Variants in NR1H4 observed in about 807,000 individuals in gnomAD.
The protein encoded by NR1H4 is bile acid receptor.
NR1H4 carries 23 observed loss-of-function variants against 58.5 expected under a neutral mutation model. The ratio of observed to expected loss-of-function variants is 0.39; its 90% confidence interval spans 0.28 to 0.56. The LOEUF (loss-of-function observed/expected upper bound fraction) is 0.56, where lower values mean the gene tolerates loss of function less well. NR1H4 is among the 20% of genes least tolerant of loss of function. The pLI is 0.58. For synonymous variants in NR1H4, 214 were observed against 198.0 expected, an observed-to-expected ratio of 1.08 and a Z score of -0.68; for missense variants, 487 against 576.9, an observed-to-expected ratio of 0.84 and a Z score of 1.60.
chr12:100,521,049 T>C (rs1209975307), intron 4 of NR1H4, among the ~76,000 whole-genome samples: 1 of 151,932 alleles, frequency 6.6e-6, no homozygotes, highest in Non-Finnish European at 1.5e-5. Context: ...ATTTACCAGC[T>C]CTCTTGCTTT....
At chr12:100,491,219 G>T (rs781598846) in intron 1 of NR1H4, among the ~76,000 whole-genome samples, 1 of 152,068 alleles carries the variant, frequency 6.6e-6, no homozygotes, top group Non-Finnish European at 1.5e-5. Flanking sequence ...AACTAAGTCT[G>T]CTCTGGCTGT....
chr12:100,495,640 G>A (rs1030471265), intron 3 of NR1H4, among the ~76,000 whole-genome samples: 2 of 75,942 alleles, frequency 2.6e-5, no homozygotes, highest in Non-Finnish European at 5.0e-5. Flanking sequence ...ACTGAGGCAG[G>A]AGAATCGCTT....
chr12:100,561,871 A>C lies in NR1H4; in HGVS notation c.1079-14A>C. ...ACTCAAAAATTGTATTATGATTGCA[A>C]CTTTCCCCCACAGGTATCTCTGATG... On this transcript the variant is annotated splice_polypyrimidine_tract_variant and intron_variant, in intron 9 of 10. Coordinates refer to ENST00000392986, the MANE Select transcript of NR1H4 (RefSeq NM_001206979.2). The C allele has an allele frequency of 1.9e-6, 2 of 1,043,214 alleles. No homozygotes were observed. The highest frequency in any genetic ancestry group is 3.0e-6 in the Non-Finnish European group (2 of 659,716). The allele number at this position is 1,043,214 out of a possible 1,614,324, so 64.6% of individuals were successfully genotyped here. A position where few individuals can be genotyped will look rare whatever the true frequency, so the allele number is the denominator to read the frequency against.
At chr12:100,478,119 T>A (rs1953308099) in intron 1 of NR1H4, among the ~76,000 whole-genome samples, 2 of 151,876 alleles carry the variant, frequency 1.3e-5, no homozygotes, top group South Asian at 4.2e-4. Flanking sequence ...CATAGGTTCA[T>A]CGATTGTAAA....
intron 3 of NR1H4, among the ~76,000 whole-genome samples, chr12:100,508,052 G>A (rs549133660): frequency 6.6e-6 from 1 of 151,970 alleles, no homozygotes; most frequent in African/African-American, 2.4e-5. Context: ...GGCCCAGGTA[G>A]GGTAAGTAAT....
intron 4 of NR1H4, among the ~76,000 whole-genome samples, chr12:100,529,358 T>C (rs17030280): frequency 0.023 from 3,492 of 152,224 alleles, 140 homozygotes; most frequent in African/African-American, 0.081. Context: ...CTCTCTCTAG[T>C]CTCCAATACG....
chr12:100,509,913 G>GCA lies in NR1H4; in HGVS notation c.80-864_80-863insAC, dbSNP rs1213906374. Among the ~76,000 whole-genome samples the GCA allele has an allele frequency of 3.6e-3, 521 of 145,804 alleles. 3 individuals are homozygous for GCA. Among genetic ancestry groups the GCA allele is most frequent in the African/African-American group, 0.013 (490 of 36,524 alleles). On this transcript the variant is annotated intron_variant, in intron 3 of 10. Coordinates refer to ENST00000392986, the MANE Select transcript of NR1H4 (RefSeq NM_001206979.2). ...TTTGTCTTTGCACGTGGGCACGTGC[G>GCA]CGCACACACACACACACACACACAC... is the stretch of plus-strand genomic sequence containing the variant.
chr12:100,476,069 A>G (rs143493820), intron 1 of NR1H4, among the ~76,000 whole-genome samples: 2,403 of 152,252 alleles, frequency 0.016, 86 homozygotes, highest in Admixed American at 0.09. Flanking sequence ...CAGATGAGAA[A>G]ACTGAGACTC....
At chr12:100,530,316 T>C (rs79474300) in intron 4 of NR1H4, among the ~76,000 whole-genome samples, 1,777 of 152,342 alleles carry the variant, frequency 0.012, 40 homozygotes, top group African/African-American at 0.041. Flanking sequence ...GTACCTTTTT[T>C]TCTTCATCTA....
At position 100,537,059 on chromosome 12, in the gene NR1H4, A is replaced by G; in HGVS notation, c.931+12A>G. 1 of 1,476,464 alleles carries G rather than the reference A, an allele frequency of 6.8e-7. No individual in the cohort carries two copies. Among genetic ancestry groups the G allele is most frequent in the East Asian group, 2.3e-5 (1 of 44,040 alleles). The allele number at this position is 1,476,464 out of a possible 1,614,324, so 91.5% of individuals were successfully genotyped here. A position where few individuals can be genotyped will look rare whatever the true frequency, so the allele number is the denominator to read the frequency against. ...AAAAAAGCTACCAGGTATTTTTTAA[A>G]TAATCAAAGTTAATATTTATTGAGA... On this transcript the variant is annotated intron_variant, in intron 8 of 10. Transcript: ENST00000392986.
rs775092392 is a variant in NR1H4, at chr12:100,510,777, G to A, written c.80-1G>A. 2 of 1,613,814 alleles carry A rather than the reference G, an allele frequency of 1.2e-6. No homozygotes were observed. Among genetic ancestry groups the A allele is most frequent in the Non-Finnish European group, 8.5e-7 (1 of 1,179,874 alleles). ...CCAGTTTTGTTGTCACTTTTGTTCA[G>A]GTGTTTTAACAGAACAAGTGGCAGG... is the stretch of plus-strand genomic sequence containing the variant. On this transcript the variant is annotated splice_acceptor_variant, in intron 3 of 10. Coordinates refer to ENST00000392986, the MANE Select transcript of NR1H4 (RefSeq NM_001206979.2). LOFTEE classifies it high-confidence loss of function.
intron 3 of NR1H4, chr12:100,505,935 G>T (rs184598883): frequency 1.5e-5 from 4 of 274,330 alleles, no homozygotes; most frequent in South Asian, 4.6e-5. Flanking sequence ...CTGGGCCTTC[G>T]TATGTGTCTT....
At chr12:100,519,837 C>A (rs1415699885) in intron 4 of NR1H4, among the ~76,000 whole-genome samples, 1 of 152,292 alleles carries the variant, frequency 6.6e-6, no homozygotes, top group Non-Finnish European at 1.5e-5. Flanking sequence ...AGCTCTTTGA[C>A]TTCCCCTTTA....
intron 1 of NR1H4, among the ~76,000 whole-genome samples, chr12:100,490,243 A>G (rs1294404310): frequency 1.3e-5 from 2 of 152,224 alleles, no homozygotes; most frequent in African/African-American, 2.4e-5. Context: ...AAGAAAATAT[A>G]TCACAGGAAT....
chr12:100,479,764 C>G (rs931087514), intron 1 of NR1H4, among the ~76,000 whole-genome samples: 15 of 152,250 alleles, frequency 9.9e-5, no homozygotes, highest in Admixed American at 9.8e-4. Flanking sequence ...CCTATAGCCC[C>G]TCCTTGGCTC....
At chr12:100,515,796 A>T (rs1349791774) in intron 4 of NR1H4, among the ~76,000 whole-genome samples, 1 of 152,218 alleles carries the variant, frequency 6.6e-6, no homozygotes, top group Non-Finnish European at 1.5e-5. Flanking sequence ...TGATGCTCAA[A>T]TCATCGTGAG....
chr12:100,475,128 T>TCTATCTATCTAC (rs775084901), intron 1 of NR1H4, among the ~76,000 whole-genome samples: 7,960 of 139,592 alleles, frequency 0.057, 338 homozygotes, highest in East Asian at 0.16. Flanking sequence ...GGTTTACCTA[T>TCTATCTATCTAC]CTATCTATCT....
At chr12:100,529,598 C>G (rs1434603546) in intron 4 of NR1H4, among the ~76,000 whole-genome samples, 1 of 152,128 alleles carries the variant, frequency 6.6e-6, no homozygotes, top group African/African-American at 2.4e-5. Flanking sequence ...GAGTATCTAC[C>G]CTTTCTTGGA....
At position 100,563,500 on chromosome 12, in the gene NR1H4, AG is replaced by A; in HGVS notation, c.*15del. The stretch of plus-strand genomic sequence containing the variant: ...TGGGACGTGCAGTGATGGGGATTAC[AG>A]GGGAGGGGTCTAGCTCCTTTTTCTC... On this transcript the variant is annotated 3_prime_UTR_variant, in exon 11 of 11. Coordinates refer to ENST00000392986, the MANE Select transcript of NR1H4 (RefSeq NM_001206979.2). 6.3e-7 allele frequency: 1 copy of A among 1,595,630 alleles called. No homozygotes were observed. Among genetic ancestry groups the A allele is most frequent in the South Asian group, 1.1e-5 (1 of 90,704 alleles).
Sources: gnomAD v4.1 joint callset for allele counts (sites outside exome capture counted in the v4.1 genomes callset) on GRCh38, gnomAD v4.1.1 for gene constraint, MANE v1.5 for transcripts, NCBI Gene and HGNC (gene_info 2026-07-23, HGNC 2026-07-21) for gene names.